The following CHLSN variants were observed in gnomAD, a reference collection of about 807,000 sequenced individuals.
The protein encoded by CHLSN is cholesin.
At chr7:1,070,286 C>T in the CHLSN span, among the ~76,000 whole-genome samples, 5 of 144,682 alleles carry the variant, frequency 3.5e-5, no homozygotes, top group South Asian at 2.3e-4. Context: ...CCCGGCCAGC[C>T]GCCCCATCCG....
chr7:1,091,761 C>T, the CHLSN span: 46 of 1,553,090 alleles, frequency 3.0e-5, no homozygotes, highest in Non-Finnish European at 7.0e-6. Context: ...GGGGCGTGGG[C>T]CTGGAGATGT....
chr7:1,014,451 T>A, the CHLSN span, among the ~76,000 whole-genome samples: 1 of 152,240 alleles, frequency 6.6e-6, no homozygotes, highest in Non-Finnish European at 1.5e-5. Flanking sequence ...TCCATCTGTG[T>A]GACACGGGCC....
At chr7:1,075,723 C>T in the CHLSN span, among the ~76,000 whole-genome samples, 4 of 150,856 alleles carry the variant, frequency 2.7e-5, no homozygotes, top group African/African-American at 4.9e-5. Context: ...CGCCATTGTC[C>T]GGCCTCAGCC....
At chr7:997,541 G>C in the CHLSN span, 61 of 1,242,868 alleles carry the variant, frequency 4.9e-5, no homozygotes, top group Non-Finnish European at 6.3e-5. Flanking sequence ...TGGTGAACCC[G>C]GCCCCCACCG....
At chr7:1,079,183 C>T in the CHLSN span, among the ~76,000 whole-genome samples, 8 of 152,332 alleles carry the variant, frequency 5.3e-5, no homozygotes, top group African/African-American at 1.7e-4. Context: ...CAGCCGCAAA[C>T]AAACCTCCCA....
At chr7:1,008,904 A>ACACACG in the CHLSN span, among the ~76,000 whole-genome samples, 9 of 17,290 alleles carry the variant, frequency 5.2e-4, no homozygotes, top group African/African-American at 2.4e-3. Context: ...GCACACACGT[A>ACACACG]CACAACACAC....
the CHLSN span, among the ~76,000 whole-genome samples, chr7:1,064,182 C>T: frequency 6.6e-6 from 1 of 152,124 alleles, no homozygotes; most frequent in African/African-American, 2.4e-5. Flanking sequence ...TCCCCGGGAA[C>T]ACCGTGACCG....
chr7:993,739 C>T, the CHLSN span, among the ~76,000 whole-genome samples: 19 of 152,216 alleles, frequency 1.2e-4, no homozygotes, highest in South Asian at 1.7e-3. Context: ...CTCATGCCAC[C>T]GCACTCCAGC....
At chr7:1,016,629 T>TGCCAGCGCACAGCAGCGCACGCC in the CHLSN span, among the ~76,000 whole-genome samples, 1 of 83,324 alleles carries the variant, frequency 1.2e-5, no homozygotes, top group African/African-American at 5.6e-5. Flanking sequence ...CAGAGCACAG[T>TGCCAGCGCACAGCAGCGCACGCC]AGCGCACGCC....
chr7:988,390 G>T, the CHLSN span: 1 of 1,612,688 alleles, frequency 6.2e-7, no homozygotes, highest in Admixed American at 1.7e-5. Context: ...ACTTTGTGAA[G>T]CGGGAGGCCT....
the CHLSN span, chr7:1,058,789 A>G: frequency 4.1e-6 from 2 of 483,400 alleles, no homozygotes; most frequent in Non-Finnish European, 7.6e-6. Flanking sequence ...CCTCGCCTTC[A>G]GCCTCCTCAG....
the CHLSN span, chr7:986,561 G>A: frequency 1.9e-6 from 3 of 1,579,374 alleles, no homozygotes; most frequent in East Asian, 2.2e-5. Context: ...GACGATCACC[G>A]CCTGCCCAGC....
At chr7:1,119,313 A>G in the CHLSN span, among the ~76,000 whole-genome samples, 1 of 152,192 alleles carries the variant, frequency 6.6e-6, no homozygotes, top group Non-Finnish European at 1.5e-5. Context: ...AGCCAGACAC[A>G]GGGGCTCACA....
At chr7:1,130,966 C>T in the CHLSN span, among the ~76,000 whole-genome samples, 1 of 152,170 alleles carries the variant, frequency 6.6e-6, no homozygotes, top group Non-Finnish European at 1.5e-5. Flanking sequence ...GGTGGGCAGA[C>T]TGCTTGAGCC....
the CHLSN span, chr7:1,024,680 C>A: frequency 6.6e-6 from 1 of 152,174 alleles, no homozygotes; most frequent in African/African-American, 2.4e-5. Context: ...CCAGTTTCAG[C>A]CCCTCCTTGC....
chr7:1,012,810 C>A, the CHLSN span, among the ~76,000 whole-genome samples: 1 of 152,176 alleles, frequency 6.6e-6, no homozygotes, highest in African/African-American at 2.4e-5. Flanking sequence ...ATCGGCTGCC[C>A]CGTGCTCGCG....
the CHLSN span, among the ~76,000 whole-genome samples, chr7:1,040,689 A>G: frequency 2.6e-5 from 1 of 38,570 alleles, no homozygotes; most frequent in Non-Finnish European, 5.8e-5. Context: ...ATTAAAAAGA[A>G]CAAAAAAAAA....
chr7:1,123,125 CCAA>C, the CHLSN span, among the ~76,000 whole-genome samples: 1 of 152,340 alleles, frequency 6.6e-6, no homozygotes, highest in South Asian at 2.1e-4. This position sits in a 1 kb window ranked among gnomAD's most constrained non-coding sequence, Gnocchi z 4.4. Flanking sequence ...CCAAACCTCA[CCAA>C]CGCCAGACAG....
At chr7:1,104,826 T>C in the CHLSN span, among the ~76,000 whole-genome samples, 1 of 152,262 alleles carries the variant, frequency 6.6e-6, no homozygotes, top group African/African-American at 2.4e-5. Context: ...TCTGGTACTT[T>C]AGACCCAAAA....
Sources: allele counts gnomAD v4.1 joint callset (sites outside exome capture counted in the v4.1 genomes callset), GRCh38; gene constraint gnomAD v4.1.1; non-coding constraint Gnocchi (gnomAD v3.1); transcripts MANE v1.5; gene names NCBI Gene and HGNC (gene_info 2026-07-23, HGNC 2026-07-21).